The following LIMCH1 variants were observed in gnomAD, a reference collection of about 807,000 sequenced individuals.
LIMCH1 encodes the protein LIM and calponin homology domains 1.
Under a neutral mutation model 176.5 loss-of-function variants are expected in LIMCH1, and 113 were observed. The ratio of observed to expected loss-of-function variants is 0.64; its 90% CI spans 0.55 to 0.75. LIMCH1 has a LOEUF of 0.75. LIMCH1 is among the 30% of genes least tolerant of loss of function. The pLI, the probability that LIMCH1 is intolerant of heterozygous loss-of-function variation, is 0.00. For missense variants in LIMCH1, 1,674 were observed against 1,814.9 expected (o/e 0.92, Z 1.41); for synonymous variants, 619 against 645.9 (o/e 0.96, Z 0.63).
intron 21 of LIMCH1, among the ~76,000 whole-genome samples, chr4:41,669,209 T>G (rs549003293): frequency 4.1e-4 from 63 of 152,132 alleles, no homozygotes; most frequent in Non-Finnish European, 8.1e-4. Flanking sequence ...AAACTAGAAA[T>G]AATACCAGTA....
intron 1 of LIMCH1, among the ~76,000 whole-genome samples, chr4:41,405,841 G>T (rs1292103684): frequency 2.0e-5 from 3 of 152,162 alleles, no homozygotes; most frequent in Admixed American, 6.5e-5. Context: ...TTGTGCTTTT[G>T]AAGTGATGCA....
chr4:41,632,944 T>G, intron 11 of LIMCH1, 33 bp from the exon 12 acceptor site: 6 of 1,531,736 alleles, frequency 3.9e-6, no homozygotes, highest in Non-Finnish European at 5.2e-6. Context: ...GTGAATTCTT[T>G]CCTAGGAGTG....
intron 1 of LIMCH1, among the ~76,000 whole-genome samples, chr4:41,572,436 A>T (rs560902698): frequency 2.0e-4 from 31 of 152,308 alleles, no homozygotes; most frequent in African/African-American, 7.5e-4. Context: ...AGGAAAGAAA[A>T]TATGAGACAT....
At chr4:41,612,600 G>A (rs1008672008) in intron 4 of LIMCH1, 3 of 702,460 alleles carry the variant, frequency 4.3e-6, no homozygotes, top group African/African-American at 1.7e-5. Flanking sequence ...ATTATAATAC[G>A]AGGGTGAGGA....
At chr4:41,453,594 CTTG>C (rs1447177568) in intron 1 of LIMCH1, 16 of 152,772 alleles carry the variant, frequency 1.0e-4, no homozygotes, top group African/African-American at 3.4e-4. Context: ...AGGAGTTGGT[CTTG>C]TTGTTTCAGG....
At chr4:41,685,334 C>G (rs1299971219) in intron 27 of LIMCH1, among the ~76,000 whole-genome samples, 1 of 152,166 alleles carries the variant, frequency 6.6e-6, no homozygotes, top group Non-Finnish European at 1.5e-5. Flanking sequence ...GGATTTAAAC[C>G]ACATCACAGT....
In LIMCH1 at chr4:41,613,650, G is replaced by C; in HGVS notation, c.194G>C (p.Gly65Ala). ...QTPSPDVVLR[G>A]SSDGRGSDSE... Reference sequence around the variant, plus strand: ...CCTTCACCAGATGTAGTCCTCAGGGGAAGCAGCGATGGTAGGTTGGAGTCT... The same window carrying C: ...CCTTCACCAGATGTAGTCCTCAGGGCAAGCAGCGATGGTAGGTTGGAGTCT... The change falls in exon 5 of 32, where the codon GGA becomes GCA. Residue 65 changes from glycine (G) to alanine (A), a missense_variant. By Grantham distance (60) the Gly-to-Ala change is moderately conservative. Coordinates refer to ENST00000503057, the MANE Select transcript of LIMCH1 (RefSeq NM_001330672.2). The C allele has an allele frequency of 6.2e-7, 1 of 1,613,978 alleles. No individual in the cohort carries two copies. The highest frequency in any genetic ancestry group is 2.2e-5 in the East Asian group (1 of 44,864).
chr4:41,494,598 C>G (rs376424238), exon 2 of LIMCH1: 2 of 1,608,476 alleles, frequency 1.2e-6, no homozygotes, highest in African/African-American at 2.7e-5. Context: ...ATGGAATCCT[C>G]CTCTGCGAGT....
intron 1 of LIMCH1, among the ~76,000 whole-genome samples, chr4:41,376,860 T>A (rs2054843933): frequency 6.6e-6 from 1 of 152,152 alleles, no homozygotes; most frequent in Admixed American, 6.5e-5. Context: ...GTGATGGAAA[T>A]GTTCTGGAAT....
At chr4:41,450,798 C>CAAAAAAAA (rs760652470) in intron 1 of LIMCH1, among the ~76,000 whole-genome samples, 1 of 50,662 alleles carries the variant, frequency 2.0e-5, no homozygotes, top group Non-Finnish European at 4.1e-5. Flanking sequence ...CTCTCTCTCT[C>CAAAAAAAA]AAAAAAAAAA....
chr4:41,363,635 G>A (rs749784836), intron 1 of LIMCH1, among the ~76,000 whole-genome samples: 1 of 152,148 alleles, frequency 6.6e-6, no homozygotes, highest in Non-Finnish European at 1.5e-5. Context: ...ATTTCTCGGC[G>A]TGCAGCCTTG....
chr4:41,687,924 G>T lies in LIMCH1; in HGVS notation c.4166+7G>T. 6.2e-7 allele frequency: 1 copy of T among 1,610,734 alleles called. No homozygotes were observed. On this transcript the variant is annotated splice_region_variant and intron_variant, in intron 29 of 31. Transcript: ENST00000503057. ...CCGGTCAGTCACCAAACAGGTACAA[G>T]AGGTCAGCAGGCCTTTCTGAGGCTG...
intron 2 of LIMCH1, among the ~76,000 whole-genome samples, chr4:41,603,050 T>C (rs889863957): frequency 6.6e-6 from 1 of 152,206 alleles, no homozygotes; most frequent in Non-Finnish European, 1.5e-5. Flanking sequence ...GTACTTTAGG[T>C]CAGTGTATGC....
At chr4:41,364,012 G>A (rs2052566996) in intron 1 of LIMCH1, among the ~76,000 whole-genome samples, 2 of 152,172 alleles carry the variant, frequency 1.3e-5, no homozygotes, top group African/African-American at 4.8e-5. Context: ...GGCATCCTAG[G>A]TTTGAGTCCA....
At chr4:41,685,002 C>CA (rs1719504089) in intron 27 of LIMCH1, among the ~76,000 whole-genome samples, 2 of 152,052 alleles carry the variant, frequency 1.3e-5, no homozygotes, top group African/African-American at 4.8e-5. Context: ...GTATTCCTCG[C>CA]AAAAATGATC....
intron 18 of LIMCH1, among the ~76,000 whole-genome samples, chr4:41,660,227 C>T (rs2094574860): frequency 6.6e-6 from 1 of 151,996 alleles, no homozygotes; most frequent in Non-Finnish European, 1.5e-5. Context: ...ATTATATTGC[C>T]TTTATGGACA....
intron 1 of LIMCH1, among the ~76,000 whole-genome samples, chr4:41,377,937 G>T (rs2055013610): frequency 6.6e-6 from 1 of 152,148 alleles, no homozygotes; most frequent in Admixed American, 6.5e-5. Flanking sequence ...CCTCCCAAAG[G>T]TTCTATTTTT....
upstream of LIMCH1, among the ~76,000 whole-genome samples, chr4:41,534,228 C>T (rs116253125): frequency 0.012 from 1,769 of 152,226 alleles, 20 homozygotes; most frequent in Non-Finnish European, 0.018. Context: ...ATTTACTTTT[C>T]ACTAAATGTA....
intron 29 of LIMCH1, 109 bp from the exon 30 acceptor site, chr4:41,689,418 G>A (rs1586016959): frequency 4.9e-6 from 3 of 612,038 alleles, no homozygotes; most frequent in East Asian, 2.8e-5. Context: ...TCATGATATA[G>A]GCATCTTAAA....
Sources: gnomAD v4.1 joint callset for allele counts (sites outside exome capture counted in the v4.1 genomes callset) on GRCh38, gnomAD v4.1.1 for gene constraint, MANE v1.5 for transcripts, NCBI Gene and HGNC (gene_info 2026-07-23, HGNC 2026-07-21) for gene names.